Variants in VWC2L observed in about 807,000 individuals in gnomAD.
The protein encoded by VWC2L is von Willebrand factor C domain-containing protein 2-like.
VWC2L carries 10 observed loss-of-function variants against 21.6 expected under a neutral mutation model. The observed-to-expected ratio is 0.46, with a 90% CI of 0.29 to 0.78. The LOEUF is 0.78. Among genes scored for constraint, VWC2L ranks in the 30% least tolerant of loss-of-function variants. VWC2L has a pLI of 0.10. For missense variants in VWC2L, 209 were observed against 277.1 expected (o/e 0.75, Z 1.74); for synonymous variants, 96 against 94.3 (o/e 1.02, Z -0.10).
chr2:214,480,060 G>A (rs1043827330), intron 3 of VWC2L, among the ~76,000 whole-genome samples: 3 of 152,198 alleles, frequency 2.0e-5, no homozygotes, highest in Middle Eastern at 3.4e-3. Context: ...CATATTATAA[G>A]TAATATAGAG....
intron 3 of VWC2L, among the ~76,000 whole-genome samples, chr2:214,516,267 G>A (rs181981010): frequency 2.8e-3 from 420 of 150,614 alleles, no homozygotes; most frequent in Non-Finnish European, 4.9e-3. Context: ...CCAGGAGTCA[G>A]CTCATAAATG....
chr2:214,529,012 G>A (rs1054562655), intron 3 of VWC2L, among the ~76,000 whole-genome samples: 9 of 152,090 alleles, frequency 5.9e-5, no homozygotes, highest in Non-Finnish European at 8.8e-5. Flanking sequence ...ATGTTAGCAG[G>A]TATACATAAA....
At chr2:214,568,969 C>A (rs898503144) in intron 3 of VWC2L, among the ~76,000 whole-genome samples, 2 of 152,134 alleles carry the variant, frequency 1.3e-5, no homozygotes, top group African/African-American at 4.8e-5. Flanking sequence ...TTCTCCCTCC[C>A]CCAGATCAAA....
chr2:214,462,711 A>C (rs926972990), intron 3 of VWC2L, among the ~76,000 whole-genome samples: 2 of 151,968 alleles, frequency 1.3e-5, no homozygotes, highest in African/African-American at 4.8e-5. Context: ...TTCTTTTTGC[A>C]GTTTCTTAAG....
In VWC2L at chr2:214,470,916, C is replaced by CAAAAAAAAAAAAA. The variant is rs56041924; in HGVS notation, c.520+34173_520+34185dup. ...TGGGCAACAGAGTGAAACTCCATCTCAAAAAAAAAAAAAAAAAAAAAAAAA... is the reference window on the plus strand; with the variant it reads ...TGGGCAACAGAGTGAAACTCCATCTCAAAAAAAAAAAAAAAAAAAAAAAAAAAAAAAAAAAAAA... On this transcript the variant is annotated intron_variant, in intron 3 of 3. Coordinates refer to ENST00000312504, the MANE Select transcript of VWC2L (RefSeq NM_001080500.4). Among the ~76,000 whole-genome samples, 56 of 50,798 alleles carry CAAAAAAAAAAAAA rather than the reference C, an allele frequency of 1.1e-3. 8 individuals carry two copies. Among genetic ancestry groups the CAAAAAAAAAAAAA allele is most frequent in the African/African-American group, 5.5e-3 (55 of 9,970 alleles). 33.3% of individuals were successfully genotyped at this position (50,798 alleles called of 152,430 possible). A position where few individuals can be genotyped will look rare whatever the true frequency, so the allele number is the denominator to read the frequency against.
chr2:214,549,713 C>T (rs150522075), intron 3 of VWC2L, among the ~76,000 whole-genome samples: 212 of 152,342 alleles, frequency 1.4e-3, no homozygotes, highest in Middle Eastern at 3.4e-3. Flanking sequence ...GCAGAGGTTG[C>T]AGTGAGCCGA....
At chr2:214,442,205 C>T (rs778808619) in intron 3 of VWC2L, among the ~76,000 whole-genome samples, 3 of 151,826 alleles carry the variant, frequency 2.0e-5, no homozygotes, top group Non-Finnish European at 4.4e-5. Context: ...CCACTGTGCC[C>T]GGACAATAAG....
chr2:214,492,862 T>G (rs1222467018), intron 3 of VWC2L, among the ~76,000 whole-genome samples: 1 of 152,182 alleles, frequency 6.6e-6, no homozygotes, highest in Non-Finnish European at 1.5e-5. Context: ...AATCCAAGTT[T>G]CTTGCTCACA....
intron 3 of VWC2L, among the ~76,000 whole-genome samples, chr2:214,558,828 AT>A (rs1319594207): frequency 1.3e-5 from 2 of 151,514 alleles, no homozygotes; most frequent in African/African-American, 4.9e-5. Context: ...TTTTTTTTAA[AT>A]TTATGCTTTA....
At chr2:214,559,044 A>T (rs1449011576) in intron 3 of VWC2L, among the ~76,000 whole-genome samples, 3 of 143,776 alleles carry the variant, frequency 2.1e-5, no homozygotes, top group Admixed American at 6.9e-5. Flanking sequence ...ATCAGAGTGA[A>T]CAGGCAACCT....
chr2:214,551,327 T>G (rs1689791339), intron 3 of VWC2L, among the ~76,000 whole-genome samples: 1 of 152,190 alleles, frequency 6.6e-6, no homozygotes, highest in Non-Finnish European at 1.5e-5. Flanking sequence ...ACAAATCTTC[T>G]TATTCGTATT....
At chr2:214,574,115 C>A (rs1287090445) in intron 3 of VWC2L, among the ~76,000 whole-genome samples, 1 of 152,172 alleles carries the variant, frequency 6.6e-6, no homozygotes, top group Non-Finnish European at 1.5e-5. Flanking sequence ...GCACTCCAGT[C>A]TAGGTGACAG....
chr2:214,421,334 A>G (rs961286558), intron 2 of VWC2L, among the ~76,000 whole-genome samples: 1 of 152,226 alleles, frequency 6.6e-6, no homozygotes, highest in South Asian at 2.1e-4. Context: ...TTCCCAAAGG[A>G]GTGAAATAGC....
intron 3 of VWC2L, among the ~76,000 whole-genome samples, chr2:214,489,972 G>C (rs1035733331): frequency 6.6e-6 from 1 of 152,216 alleles, no homozygotes; most frequent in African/African-American, 2.4e-5. Flanking sequence ...CTTTTGGCAG[G>C]AACTAGTCAC....
chr2:214,484,587 G>C (rs1234550871), intron 3 of VWC2L, among the ~76,000 whole-genome samples: 4 of 152,140 alleles, frequency 2.6e-5, no homozygotes, highest in Non-Finnish European at 4.4e-5. Context: ...TCTCCTGTTA[G>C]GTAGCTTAGT....
At chr2:214,418,420 C>T (rs1702387809) in intron 2 of VWC2L, among the ~76,000 whole-genome samples, 1 of 152,150 alleles carries the variant, frequency 6.6e-6, no homozygotes, top group African/African-American at 2.4e-5. Flanking sequence ...AGCCAGGCAG[C>T]TTGACTGCAG....
intron 3 of VWC2L, among the ~76,000 whole-genome samples, chr2:214,442,320 TAGAGA>T (rs1702773437): frequency 6.6e-6 from 1 of 152,132 alleles, no homozygotes; most frequent in South Asian, 2.1e-4. Flanking sequence ...AGTGAGAAGG[TAGAGA>T]AAAGAGCTAA....
intron 3 of VWC2L, among the ~76,000 whole-genome samples, chr2:214,527,187 G>A (rs1689354208): frequency 6.6e-6 from 1 of 152,122 alleles, no homozygotes; most frequent in Non-Finnish European, 1.5e-5. Flanking sequence ...ATAAGTGGGA[G>A]TTAACATTGG....
chr2:214,562,446 A>G (rs763764556), intron 3 of VWC2L, among the ~76,000 whole-genome samples: 2 of 152,212 alleles, frequency 1.3e-5, no homozygotes, highest in Admixed American at 6.5e-5. Context: ...TAGTGCTGCA[A>G]TGAACATACG....
Sources: gnomAD v4.1 joint callset for allele counts (sites outside exome capture counted in the v4.1 genomes callset) on GRCh38, gnomAD v4.1.1 for gene constraint, MANE v1.5 for transcripts, NCBI Gene and HGNC (gene_info 2026-07-23, HGNC 2026-07-21) for gene names.